Variants in PCDH15 observed in about 807,000 individuals in gnomAD.
PCDH15 encodes protocadherin related 15.
Under a neutral mutation model 178.5 loss-of-function variants are expected in PCDH15, and 129 were observed. The observed-to-expected ratio is 0.72, with a 90% CI of 0.63 to 0.84. The LOEUF (loss-of-function observed/expected upper bound fraction) is 0.84. Among genes scored for constraint, PCDH15 ranks in the 40% least tolerant of loss-of-function variants. PCDH15 has a pLI of 0.00. For synonymous variants in PCDH15, 800 were observed against 732.0 expected (o/e 1.09, Z -1.50); for missense variants, 2,230 against 2,099.9 (o/e 1.06, Z -1.21).
chr10:54,267,239 TA>T (rs2057752117), intron 8 of PCDH15, among the ~76,000 whole-genome samples: 3 of 151,854 alleles, frequency 2.0e-5, no homozygotes, highest in Admixed American at 6.6e-5. Flanking sequence ...CCTTCATAAT[TA>T]AAACCCTCAG....
chr10:54,103,466 G>A (rs1327004320), intron 15 of PCDH15, among the ~76,000 whole-genome samples: 2 of 152,220 alleles, frequency 1.3e-5, no homozygotes, highest in African/African-American at 4.8e-5. Flanking sequence ...GGTTCACACT[G>A]TTTGATCTGA....
rs917756200 is a variant in PCDH15 at position 54,237,430 on chromosome 10, A to G, written c.877-499T>C. ...ACATTATTGCAAATTTCATATAATT[A>G]AAATTGATTTTAAATATTGCAGGTA... is the stretch of plus-strand genomic sequence containing the variant. On this transcript the variant is annotated intron_variant, in intron 8 of 37. Transcript: ENST00000644397. 3.9e-5 allele frequency among the ~76,000 whole-genome samples: 6 copies of G among 152,304 alleles called. No homozygotes were observed. The East Asian group carries it at 1.2e-3, about 29-fold the overall frequency.
At chr10:53,863,618 A>G (rs983010926) in intron 27 of PCDH15, among the ~76,000 whole-genome samples, 1 of 152,308 alleles carries the variant, frequency 6.6e-6, no homozygotes, top group East Asian at 1.9e-4. Context: ...AAGAATAGAA[A>G]AATGGATGGC....
At chr10:54,203,920 G>C (rs1048105471) in intron 10 of PCDH15, among the ~76,000 whole-genome samples, 6 of 152,004 alleles carry the variant, frequency 3.9e-5, no homozygotes, top group African/African-American at 1.4e-4. Flanking sequence ...TGTTTGCTTT[G>C]GTTAATTTTG....
chr10:54,015,615 A>C (rs1364666339), intron 20 of PCDH15, among the ~76,000 whole-genome samples: 1 of 152,164 alleles, frequency 6.6e-6, no homozygotes, highest in Non-Finnish European at 1.5e-5. Context: ...TAAGCATCTG[A>C]TGTACAACAA....
chr10:54,094,633 C>T (rs1050519406), intron 15 of PCDH15, among the ~76,000 whole-genome samples: 4 of 152,096 alleles, frequency 2.6e-5, no homozygotes, highest in Non-Finnish European at 4.4e-5. Context: ...TCAGGTTAAA[C>T]GAATAAATGA....
At chr10:54,184,044 C>T (rs2048256931) in intron 12 of PCDH15, among the ~76,000 whole-genome samples, 2 of 152,224 alleles carry the variant, frequency 1.3e-5, no homozygotes, top group South Asian at 4.1e-4. Context: ...CAGTAATTCA[C>T]CCAATGGCAA....
chr10:53,870,630 G>A (rs943739082), intron 26 of PCDH15, among the ~76,000 whole-genome samples: 5 of 152,088 alleles, frequency 3.3e-5, no homozygotes, highest in Admixed American at 2.6e-4. Flanking sequence ...AAATTCCAAT[G>A]GGTGCCATAC....
chr10:54,602,927 CT>C (rs1278896486), intron 2 of PCDH15, among the ~76,000 whole-genome samples: 1,916 of 151,962 alleles, frequency 0.013, 42 homozygotes, highest in African/African-American at 0.044. Context: ...CTGTAGTTTA[CT>C]TTTCTTGTGG....
At chr10:54,444,874 T>A (rs1214491158) in intron 3 of PCDH15, among the ~76,000 whole-genome samples, 3 of 151,606 alleles carry the variant, frequency 2.0e-5, no homozygotes, top group Admixed American at 1.3e-4. Flanking sequence ...ATCACAACAA[T>A]CGTCCATCTT....
chr10:54,373,529 A>AT (rs1947991074), intron 4 of PCDH15, among the ~76,000 whole-genome samples: 1 of 152,010 alleles, frequency 6.6e-6, no homozygotes, highest in Admixed American at 6.6e-5. Context: ...GAAAATATCA[A>AT]TTTGTAAATA....
At chr10:54,709,592 TCATATATATATATATATA>T (rs953162254) in intron 1 of PCDH15, among the ~76,000 whole-genome samples, 87 of 65,074 alleles carry the variant, frequency 1.3e-3, no homozygotes, top group South Asian at 2.9e-3. Context: ...TACAAATAAT[TCATATATATATATATATA>T]CATATATATA....
At chr10:54,283,710 C>A (rs1338875517) in intron 8 of PCDH15, among the ~76,000 whole-genome samples, 1 of 152,058 alleles carries the variant, frequency 6.6e-6, no homozygotes, top group Non-Finnish European at 1.5e-5. Context: ...AAAAATTAGA[C>A]ACTTAGCATT....
intron 1 of PCDH15, among the ~76,000 whole-genome samples, chr10:54,791,309 A>G (rs185388918): frequency 6.6e-4 from 100 of 152,032 alleles, no homozygotes; most frequent in African/African-American, 2.3e-3. Context: ...CATCTCAGAA[A>G]AATAGCAAAG....
At chr10:55,392,610 A>C (rs1377525028) in intron 2 of PCDH15, among the ~76,000 whole-genome samples, 1 of 152,158 alleles carries the variant, frequency 6.6e-6, no homozygotes, top group African/African-American at 2.4e-5. Context: ...TGATCAAAGA[A>C]ATATTGCTAT....
chr10:54,525,720 A>G (rs965679217), intron 3 of PCDH15, among the ~76,000 whole-genome samples: 16 of 152,298 alleles, frequency 1.1e-4, no homozygotes, highest in African/African-American at 3.6e-4. Context: ...CAGCCTCCCA[A>G]AATGCTGGGA....
chr10:55,236,409 C>T (rs1241083325), intron 1 of PCDH15, among the ~76,000 whole-genome samples: 3 of 152,052 alleles, frequency 2.0e-5, no homozygotes, highest in Non-Finnish European at 2.9e-5. Context: ...AATACATACA[C>T]TTACACCCTT....
At chr10:54,907,450 A>G (rs150936640) in intron 2 of PCDH15, among the ~76,000 whole-genome samples, 38 of 152,254 alleles carry the variant, frequency 2.5e-4, no homozygotes, top group African/African-American at 8.4e-4. Flanking sequence ...TTCTTCCACA[A>G]TGCAGTGTCA....
chr10:55,148,089 A>G (rs74136365), intron 2 of PCDH15, among the ~76,000 whole-genome samples: 286 of 142,942 alleles, frequency 2.0e-3, no homozygotes, highest in African/African-American at 7.1e-3. Context: ...TTTAACAGAA[A>G]AAAATTCTGT....
Sources: allele counts gnomAD v4.1 joint callset (sites outside exome capture counted in the v4.1 genomes callset), GRCh38; gene constraint gnomAD v4.1.1; transcripts MANE v1.5; gene names NCBI Gene and HGNC (gene_info 2026-07-23, HGNC 2026-07-21).